Variants in ITPR2 observed in about 807,000 individuals in gnomAD.
The protein encoded by ITPR2 is inositol 1,4,5-trisphosphate receptor type 2, also known as inositol 1,4,5-trisphosphate-gated calcium channel ITPR2.
Under a neutral mutation model 317.1 loss-of-function variants are expected in ITPR2, and 207 were observed. That is an observed-to-expected ratio of 0.65 (90% CI 0.58 to 0.73). The LOEUF (loss-of-function observed/expected upper bound fraction) is 0.73. ITPR2 is among the 30% of genes least tolerant of loss of function. The probability of loss-of-function intolerance (pLI) is 0.00; values close to 1 mark genes in which losing one functional copy is unlikely to be tolerated. For missense variants in ITPR2, 2,613 were observed against 3,284.0 expected (o/e 0.80, Z 4.99); for synonymous variants, 1,156 against 1,149.1 (o/e 1.01, Z -0.12).
chr12:26,485,577 CA>C (rs1199925223), intron 41 of ITPR2, among the ~76,000 whole-genome samples: 1 of 152,198 alleles, frequency 6.6e-6, no homozygotes, highest in Non-Finnish European at 1.5e-5. Flanking sequence ...AAGGAAAATG[CA>C]GGAAAGAAGA....
chr12:26,609,729 C>A (rs1188788516), intron 26 of ITPR2, among the ~76,000 whole-genome samples: 1 of 151,874 alleles, frequency 6.6e-6, no homozygotes, highest in Admixed American at 6.5e-5. Context: ...GAGAAGGGAA[C>A]AAATTCTCAT....
intron 2 of ITPR2, among the ~76,000 whole-genome samples, chr12:26,730,646 G>A (rs1949010971): frequency 6.6e-6 from 1 of 152,124 alleles, no homozygotes; most frequent in South Asian, 2.1e-4. Flanking sequence ...CCAGACATAT[G>A]TTCAGTCAGA....
chr12:26,815,814 G>C (rs1265909963), intron 1 of ITPR2, among the ~76,000 whole-genome samples: 2 of 152,068 alleles, frequency 1.3e-5, no homozygotes, highest in Admixed American at 6.6e-5. Flanking sequence ...GTGTACTGTG[G>C]CCGGCGCGGT....
chr12:26,801,696 T>C (rs1268266852), intron 1 of ITPR2, among the ~76,000 whole-genome samples: 10 of 152,182 alleles, frequency 6.6e-5, no homozygotes, highest in Non-Finnish European at 4.4e-5. Flanking sequence ...CCTAGTTTTT[T>C]CCTCTGGACA....
intron 55 of ITPR2, among the ~76,000 whole-genome samples, chr12:26,356,942 T>C (rs1254248018): frequency 6.6e-6 from 1 of 152,214 alleles, no homozygotes; most frequent in Non-Finnish European, 1.5e-5. Flanking sequence ...GATACTGAAA[T>C]AGATATTGAA....
At chr12:26,440,826 T>G (rs1941471203) in intron 46 of ITPR2, among the ~76,000 whole-genome samples, 1 of 152,298 alleles carries the variant, frequency 6.6e-6, no homozygotes, top group East Asian at 1.9e-4. Context: ...TCTTCAGTCC[T>G]TTTATGAAAT....
At chr12:26,572,978 C>T (rs1368525510) in intron 34 of ITPR2, among the ~76,000 whole-genome samples, 2 of 118,514 alleles carry the variant, frequency 1.7e-5, no homozygotes, top group Non-Finnish European at 4.1e-5. Context: ...AATTCGTACT[C>T]AAAAGAAACT....
At position 26,711,237 on chromosome 12, in the gene ITPR2, G is replaced by A; in HGVS notation, c.887C>T (p.Ala296Val). The change falls in exon 9 of 57, where the codon GCA (alanine) becomes GTA (valine). Residue 296 changes from alanine (A) to valine (V), a missense_variant. Around this residue, in one of 9 missense-constraint regions of ITPR2, gnomAD observed 515 missense variants for 789.4 expected, o/e 0.65. Coordinates refer to ENST00000381340, the MANE Select transcript of ITPR2 (RefSeq NM_002223.4). ...VVHHDPCRGG[A>V]GQWNSLFRFK... ...TCTGAACAAGCTGTTCCACTGTCCT[G>A]CACCCCCACGGCATGGGTCATGATG... is the stretch of plus-strand genomic sequence containing the variant. 1 of 1,613,684 alleles carries A rather than the reference G, an allele frequency of 6.2e-7. No homozygotes were observed. The highest frequency in any genetic ancestry group is 8.5e-7 in the Non-Finnish European group (1 of 1,179,710).
At chr12:26,494,115 A>G (rs1942875566) in intron 39 of ITPR2, 38 bp downstream of exon 39, 12 of 1,474,718 alleles carry the variant, frequency 8.1e-6, no homozygotes, top group Non-Finnish European at 1.1e-5. Context: ...AAGAAATACC[A>G]ATAATAAATG....
At chr12:26,783,847 T>C (rs1950141329) in intron 2 of ITPR2, among the ~76,000 whole-genome samples, 1 of 152,120 alleles carries the variant, frequency 6.6e-6, no homozygotes, top group South Asian at 2.1e-4. Context: ...ATAAAATACC[T>C]AGCTAGTACT....
At chr12:26,497,284 G>C (rs1316471121) in intron 37 of ITPR2, among the ~76,000 whole-genome samples, 4 of 151,368 alleles carry the variant, frequency 2.6e-5, no homozygotes, top group Non-Finnish European at 4.4e-5. Context: ...CTCCAGAGTA[G>C]CTGGGACAAC....
At chr12:26,694,318 G>A (rs991646288) in intron 10 of ITPR2, among the ~76,000 whole-genome samples, 2 of 152,134 alleles carry the variant, frequency 1.3e-5, no homozygotes, top group Non-Finnish European at 2.9e-5. Context: ...ACTAATACGA[G>A]TGACTGTTGC....
At chr12:26,667,033 T>G (rs907602309) in intron 13 of ITPR2, among the ~76,000 whole-genome samples, 1 of 152,222 alleles carries the variant, frequency 6.6e-6, no homozygotes, top group Non-Finnish European at 1.5e-5. Flanking sequence ...TTTTTTGGTA[T>G]AGACAAAAGC....
intron 37 of ITPR2, among the ~76,000 whole-genome samples, chr12:26,539,168 T>A (rs1260807211): frequency 6.6e-6 from 1 of 152,216 alleles, no homozygotes; most frequent in East Asian, 1.9e-4. Context: ...AGGTGAAATG[T>A]ATCAGGCCCA....
chr12:26,566,537 AGAG>A (rs1414791208), intron 34 of ITPR2, among the ~76,000 whole-genome samples: 1 of 146,276 alleles, frequency 6.8e-6, no homozygotes, highest in Admixed American at 6.7e-5. Context: ...AGAGGAAAGA[AGAG>A]AGGAGAAGGA....
chr12:26,386,479 A>G (rs974918999), intron 55 of ITPR2, among the ~76,000 whole-genome samples: 2 of 152,206 alleles, frequency 1.3e-5, no homozygotes, highest in Non-Finnish European at 1.5e-5. Context: ...TTATCCTCCA[A>G]AAATGTTCTT....
intron 44 of ITPR2, among the ~76,000 whole-genome samples, 179 bp downstream of exon 44, chr12:26,476,733 A>C (rs537012842): frequency 2.6e-5 from 4 of 152,348 alleles, no homozygotes; most frequent in African/African-American, 9.6e-5. Context: ...TAAGGCCCAA[A>C]TCACACAGGC....
At chr12:26,382,274 C>T (rs938380357) in intron 55 of ITPR2, among the ~76,000 whole-genome samples, 2 of 151,896 alleles carry the variant, frequency 1.3e-5, no homozygotes, top group Non-Finnish European at 2.9e-5. Context: ...CCCCAAAATA[C>T]CTTGATCTAC....
intron 5 of ITPR2, among the ~76,000 whole-genome samples, chr12:26,719,151 C>T (rs17402108): frequency 6.6e-6 from 1 of 152,024 alleles, no homozygotes; most frequent in Non-Finnish European, 1.5e-5. Context: ...TTAAGAAGTT[C>T]CAGGGAGAAA....
Sources: gnomAD v4.1 joint callset for allele counts (sites outside exome capture counted in the v4.1 genomes callset) on GRCh38, gnomAD v4.1.1 for gene constraint, gnomAD v4.1.1 regional missense constraint, MANE v1.5 for transcripts, NCBI Gene and HGNC (gene_info 2026-07-23, HGNC 2026-07-21) for gene names.